Variants in GAD2 observed in about 807,000 individuals in gnomAD.
GAD2 encodes glutamate decarboxylase 2, also known as 65 kDa glutamic acid decarboxylase.
A neutral mutation model predicts 80.1 loss-of-function variants in GAD2; 22 were observed. The observed-to-expected ratio is 0.27, with a 90% CI of 0.20 to 0.39. The LOEUF is 0.39. Among genes scored for constraint, GAD2 ranks in the 10% least tolerant of loss-of-function variants. The pLI is 1.00. For missense variants in GAD2, 624 were observed against 738.4 expected, an observed-to-expected ratio of 0.85 and a Z score of 1.80; for synonymous variants, 274 against 256.9, an observed-to-expected ratio of 1.07 and a Z score of -0.64.
chr10:26,240,802 C>T (rs371623978), intron 7 of GAD2, among the ~76,000 whole-genome samples: 42 of 150,014 alleles, frequency 2.8e-4, no homozygotes, highest in Non-Finnish European at 5.6e-4. Context: ...GAGGCCGAGG[C>T]GGGGTGGGCG....
At position 26,229,572 on chromosome 10, in the gene GAD2, G is replaced by A. The variant is rs1193263593; in HGVS notation, c.725-90G>A. 2.7e-5 allele frequency: 23 copies of A among 867,550 alleles called. No individual in the cohort carries two copies. The East Asian group carries it at 4.4e-4, about 17-fold the overall frequency. 53.7% of individuals were successfully genotyped at this position (867,550 alleles called of 1,614,324 possible). A position where few individuals can be genotyped will look rare whatever the true frequency, so the allele number is the denominator to read the frequency against. On this transcript the variant is annotated intron_variant, in intron 6 of 15. Transcript: ENST00000376261. ...AGGTTTTTCTTCTGAGTCCAAGGAG[G>A]ACTCAGGTCAGTGGAAATAAGGAAT... is the stretch of plus-strand genomic sequence containing the variant.
At position 26,301,719 on chromosome 10, in the gene GAD2, C is replaced by T. The variant is rs954983455; in HGVS notation, c.*758C>T. 2 of 152,238 alleles carry T rather than the reference C, an allele frequency of 1.3e-5. No individual in the cohort carries two copies. Among genetic ancestry groups the T allele is most frequent in the African/African-American group, 4.8e-5 (2 of 41,554 alleles). The allele number at this position is 152,238 out of a possible 1,614,324, so 9.4% of individuals were successfully genotyped here. On this transcript the variant is annotated 3_prime_UTR_variant, in exon 16 of 16. Coordinates refer to ENST00000376261, the MANE Select transcript of GAD2 (RefSeq NM_001134366.2). Reference sequence around the variant, plus strand: ...TCTAAAGTTAGTATTTCAAGACAAACACAAAAGAATACTGCGAGTTCTTTA... The same window carrying T: ...TCTAAAGTTAGTATTTCAAGACAAATACAAAAGAATACTGCGAGTTCTTTA...
intron 7 of GAD2, among the ~76,000 whole-genome samples, chr10:26,230,354 T>C (rs1844585993): frequency 6.6e-6 from 1 of 152,180 alleles, no homozygotes; most frequent in Non-Finnish European, 1.5e-5. Context: ...GAGCCTTTGA[T>C]ACAGTTTTTC....
Position 26,274,261 on chromosome 10 carries a change from C to T in GAD2, c.1157+561C>T, listed in dbSNP as rs8190735. Among the ~76,000 whole-genome samples the T allele has an allele frequency of 1.4e-3, 216 of 152,272 alleles. 1 individual carries two copies. The highest frequency in any genetic ancestry group is 0.012 in the South Asian group (60 of 4,824). ...TAATAACCTTTCTCTGACACAGCTCCGACTGATGCTGCAAAGCACCTTTTA... is the reference window on the plus strand; with the variant it reads ...TAATAACCTTTCTCTGACACAGCTCTGACTGATGCTGCAAAGCACCTTTTA... On this transcript the variant is annotated intron_variant, in intron 11 of 15. Transcript: ENST00000376261.
intron 8 of GAD2, among the ~76,000 whole-genome samples, chr10:26,268,278 C>T (rs1481437867): frequency 6.6e-6 from 1 of 152,116 alleles, no homozygotes; most frequent in African/African-American, 2.4e-5. Flanking sequence ...ACCATCCTCG[C>T]TAACACGGTG....
At chr10:26,236,988 A>G (rs556811363) in intron 7 of GAD2, among the ~76,000 whole-genome samples, 4 of 152,360 alleles carry the variant, frequency 2.6e-5, no homozygotes, top group Admixed American at 1.3e-4. Flanking sequence ...GGATATTCCC[A>G]TCGCACTCAG....
chr10:26,233,596 T>C (rs547988300), intron 7 of GAD2, among the ~76,000 whole-genome samples: 4 of 152,320 alleles, frequency 2.6e-5, no homozygotes, highest in African/African-American at 9.6e-5. Flanking sequence ...TTATTTTCAA[T>C]TCATCATTTA....
intron 7 of GAD2, among the ~76,000 whole-genome samples, chr10:26,234,216 C>G (rs570788853): frequency 6.6e-6 from 1 of 151,172 alleles, no homozygotes; most frequent in Non-Finnish European, 1.5e-5. Flanking sequence ...CCCAGCTACT[C>G]GGGAGGCTGA....
intron 15 of GAD2, among the ~76,000 whole-genome samples, chr10:26,294,039 T>C (rs1318399975): frequency 1.3e-5 from 2 of 152,218 alleles, no homozygotes; most frequent in East Asian, 3.8e-4. Flanking sequence ...CACTTATACA[T>C]GGGTGAAATG....
At position 26,223,976 on chromosome 10, in the gene GAD2, A is replaced by C. The variant is rs553646520; in HGVS notation, c.610A>C (p.Met204Leu). The part of the protein sequence containing the change: ...DWLTSTANTN[M>L]FTYEIAPVFV... ...GCTGACATCAACAGCAAATACTAACATGTAAGTAGCCAAATGTGTTTTTAT... is the reference window on the plus strand; with the variant it reads ...GCTGACATCAACAGCAAATACTAACCTGTAAGTAGCCAAATGTGTTTTTAT... The change falls in exon 5 of 16, where the codon ATG (methionine) becomes CTG (leucine). Residue 204 changes from methionine to leucine, a missense_variant and splice_region_variant. Coordinates refer to ENST00000376261, the MANE Select transcript of GAD2 (RefSeq NM_001134366.2). 1 of 1,599,726 alleles carries C rather than the reference A, an allele frequency of 6.3e-7. No homozygotes were observed. Among genetic ancestry groups the C allele is most frequent in the African/African-American group, 1.3e-5 (1 of 74,346 alleles).
chr10:26,238,425 G>A (rs1000323149), intron 7 of GAD2, among the ~76,000 whole-genome samples: 1 of 152,202 alleles, frequency 6.6e-6, no homozygotes, highest in Non-Finnish European at 1.5e-5. Context: ...TGTCCACAGA[G>A]TGCTCAAAAT....
chr10:26,216,927 G>T lies in GAD2; in HGVS notation c.76+42G>T. On this transcript the variant is annotated intron_variant, in intron 1 of 15. Transcript: ENST00000376261. This position sits in a 1 kb window ranked among gnomAD's most constrained non-coding sequence, Gnocchi z 4.7. The stretch of plus-strand genomic sequence containing the variant: ...GGGCCTGCGGCGGGCGAGTTTTGCG[G>T]TGGTCTGGGGTTTGCGGAACTACGG... The T allele has an allele frequency of 2.6e-6, 4 of 1,549,220 alleles. No homozygotes were observed. The highest frequency in any genetic ancestry group is 3.5e-6 in the Non-Finnish European group (4 of 1,127,852).
At position 26,303,458 on chromosome 10, in the gene GAD2, G is replaced by GGAAGGAAA. The variant is rs1272541116; in HGVS notation, c.*2498_*2499insAAGGAAAG. On this transcript the variant is annotated 3_prime_UTR_variant, in exon 16 of 16. Transcript: ENST00000376261. ...AGTAAGGGAGGAAGGGAGGGAGGGA[G>GGAAGGAAA]GGAGGGAGGGAAGGAGGGAGGGAGG... 1 of 139,588 alleles carries GGAAGGAAA rather than the reference G, an allele frequency of 7.2e-6. No homozygotes were observed. Among genetic ancestry groups the GGAAGGAAA allele is most frequent in the Non-Finnish European group, 1.6e-5 (1 of 63,456 alleles). 8.6% of individuals were successfully genotyped at this position (139,588 alleles called of 1,614,324 possible).
At chr10:26,261,548 T>G (rs8190701) in intron 8 of GAD2, among the ~76,000 whole-genome samples, 2,597 of 152,262 alleles carry the variant, frequency 0.017, 66 homozygotes, top group African/African-American at 0.06. Context: ...GATGGGAGAT[T>G]TTTGTTTTCT....
At chr10:26,228,095 G>A (rs529632780) in intron 6 of GAD2, among the ~76,000 whole-genome samples, 26 of 152,340 alleles carry the variant, frequency 1.7e-4, no homozygotes, top group African/African-American at 6.3e-4. Flanking sequence ...CAACACTCAC[G>A]TGACGGCAGG....
chr10:26,218,545 T>TCACACACA (rs1243883778), intron 3 of GAD2, among the ~76,000 whole-genome samples: 1 of 76,516 alleles, frequency 1.3e-5, no homozygotes, highest in African/African-American at 3.6e-5. Context: ...GCTCTCTCTC[T>TCACACACA]CTCTCTCACA....
intron 7 of GAD2, among the ~76,000 whole-genome samples, chr10:26,241,212 T>C (rs906667860): frequency 2.6e-5 from 4 of 152,234 alleles, no homozygotes; most frequent in Non-Finnish European, 5.9e-5. Flanking sequence ...TCTACTGTAA[T>C]TTTTCGCAAA....
intron 7 of GAD2, among the ~76,000 whole-genome samples, chr10:26,242,619 T>C (rs1844757086): frequency 6.6e-6 from 1 of 152,200 alleles, no homozygotes; most frequent in Admixed American, 6.5e-5. Flanking sequence ...TTCCTCAAAA[T>C]ATAAACAGAC....
intron 13 of GAD2, among the ~76,000 whole-genome samples, chr10:26,292,136 C>A (rs1339826914): frequency 6.6e-6 from 1 of 152,168 alleles, no homozygotes; most frequent in Non-Finnish European, 1.5e-5. Context: ...TAGCTCAGCC[C>A]TCCTGTTATT....
Sources: gnomAD v4.1 joint callset for allele counts (sites outside exome capture counted in the v4.1 genomes callset) on GRCh38, gnomAD v4.1.1 for gene constraint, Gnocchi (gnomAD v3.1) non-coding constraint, MANE v1.5 for transcripts, NCBI Gene and HGNC (gene_info 2026-07-23, HGNC 2026-07-21) for gene names.